The following DGKB variants were observed in gnomAD, a reference collection of about 807,000 sequenced individuals.
DGKB encodes the protein 90 kDa diacylglycerol kinase.
DGKB carries 67 observed loss-of-function variants against 114.3 expected under a neutral mutation model. The observed-to-expected ratio is 0.59, with a 90% CI of 0.48 to 0.72. The LOEUF (loss-of-function observed/expected upper bound fraction) is 0.72, where lower values mean the gene tolerates loss of function less well. Ranked by LOEUF, DGKB falls within the 30% of genes least tolerant of loss-of-function variation. DGKB has a pLI of 0.00. For missense variants in DGKB, 907 were observed against 975.2 expected (o/e 0.93, Z 0.93); for synonymous variants, 398 against 323.1 (o/e 1.23, Z -2.49).
At chr7:14,662,242 T>C (rs988934067) in intron 13 of DGKB, among the ~76,000 whole-genome samples, 3 of 150,988 alleles carry the variant, frequency 2.0e-5, no homozygotes, top group African/African-American at 7.3e-5. Context: ...AAAAAAGAGA[T>C]ATGAGAGTTG....
At chr7:14,387,591 G>A (rs920530160) in intron 21 of DGKB, among the ~76,000 whole-genome samples, 2 of 151,854 alleles carry the variant, frequency 1.3e-5, no homozygotes, top group Non-Finnish European at 2.9e-5. Context: ...TGTTTTGTTT[G>A]TTTTCTGTAG....
At chr7:14,469,934 C>T (rs1265110198) in intron 21 of DGKB, among the ~76,000 whole-genome samples, 1 of 151,594 alleles carries the variant, frequency 6.6e-6, no homozygotes, top group African/African-American at 2.4e-5. Context: ...CACATATATA[C>T]ATCTATATAT....
intron 23 of DGKB, among the ~76,000 whole-genome samples, chr7:14,302,320 G>T (rs2128490380): frequency 6.6e-6 from 1 of 152,114 alleles, no homozygotes; most frequent in Admixed American, 6.6e-5. Context: ...CTCTATTTTG[G>T]AGTGATGTGT....
intron 20 of DGKB, among the ~76,000 whole-genome samples, chr7:14,515,856 T>C (rs1393761710): frequency 2.6e-5 from 4 of 152,224 alleles, no homozygotes; most frequent in African/African-American, 7.2e-5. Context: ...ATTTTATTTA[T>C]TTTTTGAGAG....
At chr7:14,876,704 G>A (rs1236476034) in intron 1 of DGKB, among the ~76,000 whole-genome samples, 1 of 152,130 alleles carries the variant, frequency 6.6e-6, no homozygotes, top group African/African-American at 2.4e-5. Context: ...AACTGATGTT[G>A]AGACTCAATC....
chr7:14,881,396 C>T (rs1854209749), intron 1 of DGKB, among the ~76,000 whole-genome samples: 4 of 152,064 alleles, frequency 2.6e-5, no homozygotes, highest in Admixed American at 2.6e-4. Context: ...CCTATTATGA[C>T]AACAAGTATT....
In DGKB at chr7:14,146,006, C is replaced by T. The variant is rs909515254; in HGVS notation, c.*3125G>A. Reference sequence around the variant, plus strand: ...CTCACTGGATTTAAATTTCTGTCTGCAGTAGACTAGGCTAAACATCTGAGC... The same window carrying T: ...CTCACTGGATTTAAATTTCTGTCTGTAGTAGACTAGGCTAAACATCTGAGC... On this transcript the variant is annotated 3_prime_UTR_variant, in exon 26 of 26. Coordinates refer to ENST00000402815, the MANE Select transcript of DGKB (RefSeq NM_001350709.2). 1 of 152,188 alleles carries T rather than the reference C, an allele frequency of 6.6e-6. No homozygotes were observed. The highest frequency in any genetic ancestry group is 1.5e-5 in the Non-Finnish European group (1 of 68,032). 9.4% of individuals were successfully genotyped at this position (152,188 alleles called of 1,614,324 possible).
chr7:14,696,218 G>T (rs1202946148), intron 8 of DGKB, among the ~76,000 whole-genome samples: 2 of 152,124 alleles, frequency 1.3e-5, no homozygotes, highest in Non-Finnish European at 2.9e-5. Flanking sequence ...TGGAGGCCGG[G>T]CGCGGTGGCT....
intron 15 of DGKB, among the ~76,000 whole-genome samples, chr7:14,620,575 T>C (rs2128813520): frequency 6.6e-6 from 1 of 151,884 alleles, no homozygotes; most frequent in African/African-American, 2.4e-5. Context: ...TCCCAGAGAA[T>C]GTGAAACTTG....
intron 23 of DGKB, among the ~76,000 whole-genome samples, chr7:14,261,309 G>C (rs1336566816): frequency 6.6e-6 from 1 of 151,470 alleles, no homozygotes; most frequent in East Asian, 1.9e-4. Flanking sequence ...AGTGTTTTAG[G>C]CTGAATTTGT....
At chr7:14,230,916 A>C (rs150999384) in intron 23 of DGKB, among the ~76,000 whole-genome samples, 80 of 152,170 alleles carry the variant, frequency 5.3e-4, no homozygotes, top group Middle Eastern at 3.4e-3. Flanking sequence ...TAAGACTATT[A>C]TAAATATTTT....
chr7:14,754,431 A>G (rs1834571871), intron 3 of DGKB, among the ~76,000 whole-genome samples: 1 of 152,186 alleles, frequency 6.6e-6, no homozygotes, highest in Non-Finnish European at 1.5e-5. Context: ...TCCCATTCCT[A>G]AGATATCCTT....
At chr7:14,955,344 T>C (rs140868589) in intron 1 of DGKB, among the ~76,000 whole-genome samples, 4 of 152,120 alleles carry the variant, frequency 2.6e-5, no homozygotes, top group East Asian at 1.9e-4. Context: ...AGAATCTCAT[T>C]CTCTTTCAAT....
At chr7:14,738,137 G>T (rs1431964515) in intron 4 of DGKB, among the ~76,000 whole-genome samples, 1 of 152,204 alleles carries the variant, frequency 6.6e-6, no homozygotes, top group East Asian at 1.9e-4. Flanking sequence ...GAGCTCCTTA[G>T]AGATGACCTA....
chr7:14,167,169 C>T (rs1351172447), intron 25 of DGKB, among the ~76,000 whole-genome samples: 1 of 139,296 alleles, frequency 7.2e-6, no homozygotes, highest in Non-Finnish European at 1.5e-5. Context: ...CAACTTCATG[C>T]CACTGCACTC....
chr7:14,257,725 T>A (rs1796149299), intron 23 of DGKB, among the ~76,000 whole-genome samples: 1 of 152,050 alleles, frequency 6.6e-6, no homozygotes, highest in Non-Finnish European at 1.5e-5. Context: ...TATTAAACCT[T>A]TTATTTACTT....
intron 20 of DGKB, among the ~76,000 whole-genome samples, chr7:14,478,451 T>C (rs923152925): frequency 7.9e-5 from 12 of 151,960 alleles, no homozygotes; most frequent in Admixed American, 7.2e-4. Context: ...AATTGATTAT[T>C]TGTTACATTT....
At chr7:14,337,087 G>A (rs1404829052) in intron 23 of DGKB, among the ~76,000 whole-genome samples, 2 of 151,944 alleles carry the variant, frequency 1.3e-5, no homozygotes, top group Non-Finnish European at 2.9e-5. Flanking sequence ...TTTAAGCTTG[G>A]TTTTAGTATG....
intron 15 of DGKB, 56 bp from the exon 16 acceptor site, chr7:14,613,469 G>A: frequency 1.2e-6 from 1 of 817,784 alleles, no homozygotes; most frequent in Non-Finnish European, 2.0e-6. Flanking sequence ...ATATGAAGAA[G>A]ACTCCTTGTT....
Sources: allele counts gnomAD v4.1 joint callset (sites outside exome capture counted in the v4.1 genomes callset), GRCh38; gene constraint gnomAD v4.1.1; transcripts MANE v1.5; gene names NCBI Gene and HGNC (gene_info 2026-07-23, HGNC 2026-07-21).